The following UTRN variants were observed in gnomAD, a reference collection of about 807,000 sequenced individuals.
UTRN encodes utrophin, also known as dystrophin-related protein 1.
Under a neutral mutation model 463.9 loss-of-function variants are expected in UTRN, and 283 were observed. That is an observed-to-expected ratio of 0.61 (90% CI 0.55 to 0.67). The LOEUF is 0.67. UTRN is among the 30% of genes least tolerant of loss of function. The probability of loss-of-function intolerance (pLI) is 0.00; values close to 1 mark genes in which losing one functional copy is unlikely to be tolerated. For missense variants in UTRN, 3,922 were observed against 4,084.3 expected (o/e 0.96, Z 1.08); for synonymous variants, 1,442 against 1,431.5 (o/e 1.01, Z -0.17).
At chr6:144,846,853 CTA>C in intron 74 of UTRN, 26 bp downstream of exon 74, 3 of 1,613,918 alleles carry the variant, frequency 1.9e-6, no homozygotes, top group Non-Finnish European at 2.5e-6. Context: ...TTGGTTGGCT[CTA>C]TGTTACTGAT....
rs1787035036 is a variant in UTRN, at chr6:144,440,442, G to C, written c.1483G>C (p.Ala495Pro). 6 of 1,614,176 alleles carry C rather than the reference G, an allele frequency of 3.7e-6. No homozygotes were observed. In the East Asian group the frequency reaches 1.3e-4, roughly 36 times the overall value. Residue 495 changes from alanine (A) to proline (P), a missense_variant, in exon 13 of 75, where the codon GCT (alanine) becomes CCT (proline). Ala to Pro is a conservative substitution (Grantham distance 27). Coordinates refer to ENST00000367545, the MANE Select transcript of UTRN (RefSeq NM_007124.3). ...TGTTGATGAAAACAGTGGTGAGAGT[G>C]CTACAGCTATCCTAGAAGACCAGTT... ...VIVDENSGES[A>P]TAILEDQLQK...
Position 144,716,802 on chromosome 6 carries a change from A to G in UTRN, c.7810-13555A>G, listed in dbSNP as rs146102775. ...TTTCACTTAGATACATGTCATGCCT[A>G]TTTCTTCACATTGCTATGTGGTCAT... On this transcript the variant is annotated intron_variant, in intron 53 of 74. Coordinates refer to ENST00000367545, the MANE Select transcript of UTRN (RefSeq NM_007124.3). Among the ~76,000 whole-genome samples, 38 of 152,256 alleles carry G rather than the reference A, an allele frequency of 2.5e-4. 1 individual carries two copies. The East Asian group carries it at 6.2e-3, about 25-fold the overall frequency.
intron 1 of UTRN, among the ~76,000 whole-genome samples, chr6:144,287,040 G>A (rs1370191776): frequency 6.6e-6 from 1 of 151,968 alleles, no homozygotes; most frequent in African/African-American, 2.4e-5. Flanking sequence ...CGCCCGGCCG[G>A]GCGGCAGCGA....
At chr6:144,843,066 T>G (rs575658785) in intron 73 of UTRN, among the ~76,000 whole-genome samples, 69 of 152,328 alleles carry the variant, frequency 4.5e-4, no homozygotes, top group African/African-American at 1.5e-3. Context: ...GTAGATAAAA[T>G]CTCATCATAG....
At chr6:144,299,171 G>A (rs1805015381) in intron 2 of UTRN, among the ~76,000 whole-genome samples, 1 of 152,162 alleles carries the variant, frequency 6.6e-6, no homozygotes. Context: ...CCTAATTCAA[G>A]CTTTATGTCA....
At chr6:144,565,908 A>C (rs538929747) in intron 50 of UTRN, among the ~76,000 whole-genome samples, 1 of 152,170 alleles carries the variant, frequency 6.6e-6, no homozygotes, top group South Asian at 2.1e-4. Context: ...TGTAAGGTTA[A>C]GAGAGTCGAT....
intron 2 of UTRN, among the ~76,000 whole-genome samples, chr6:144,342,280 C>T (rs1298514404): frequency 2.6e-5 from 4 of 151,736 alleles, no homozygotes; most frequent in Non-Finnish European, 5.9e-5. Flanking sequence ...TCTGGCAGTT[C>T]TTCCAAAGGT....
intron 61 of UTRN, among the ~76,000 whole-genome samples, chr6:144,782,639 A>T (rs4896743): frequency 4.1e-4 from 33 of 79,856 alleles, no homozygotes; most frequent in African/African-American, 2.6e-3. Flanking sequence ...TATATATATA[A>T]TATATATATA....
Position 144,444,354 on chromosome 6 carries a change from T to G in UTRN, c.1586T>G (p.Ile529Arg). 6.2e-7 allele frequency: 1 copy of G among 1,610,082 alleles called. No homozygotes were observed. Among genetic ancestry groups the G allele is most frequent in the Non-Finnish European group, 8.5e-7 (1 of 1,177,620 alleles). Reference protein sequence around the residue: ...ERWNRLQEINILWQELLEEQC... With the variant: ...ERWNRLQEINRLWQELLEEQC... ...TGGAATAGGTTACAAGAAATCAATA[T>G]ATTGTGGCAGGAATTATTGGAAGAA... Residue 529 changes from isoleucine to arginine, a missense_variant, in exon 14 of 75, where the codon ATA (isoleucine) becomes AGA (arginine). Around this residue, in one of 3 missense-constraint regions of UTRN, gnomAD observed 2,349 missense variants for 2,303.8 expected, o/e 1.02. Transcript: ENST00000367545.
chr6:144,303,779 A>G (rs2179339), intron 2 of UTRN, among the ~76,000 whole-genome samples: 9,197 of 152,272 alleles, frequency 0.06, 907 homozygotes, highest in African/African-American at 0.21. Context: ...AAATGAAGGT[A>G]AAACTCTTGC....
At position 144,436,114 on chromosome 6, in the gene UTRN, C is replaced by T. The variant is rs371302576; in HGVS notation, c.1035C>T (p.Val345=). The change falls in exon 10 of 75, where the codon GTC becomes GTT. Residue 345 remains valine, a synonymous_variant. Transcript: ENST00000367545. The part of the protein sequence containing the change: ...QDDISDDVEE[V]KDQFATHEAF... The stretch of plus-strand genomic sequence containing the variant: ...ATATTTCTGATGATGTTGAAGAAGT[C>T]AAAGACCAGTTTGCAACCCATGAAG... 3.7e-6 allele frequency: 6 copies of T among 1,613,884 alleles called. No homozygotes were observed. The African/African-American group carries it at 8.0e-5, about 22-fold the overall frequency.
chr6:144,365,726 T>C (rs952170941), intron 2 of UTRN, among the ~76,000 whole-genome samples: 2 of 152,180 alleles, frequency 1.3e-5, no homozygotes, highest in African/African-American at 4.8e-5. Context: ...ATTTCGTTCA[T>C]GGAAGGAAGT....
intron 15 of UTRN, 135 bp downstream of exon 15, chr6:144,447,453 C>A: frequency 7.9e-7 from 1 of 1,262,412 alleles, no homozygotes; most frequent in Non-Finnish European, 1.1e-6. Context: ...CTGTAACAAT[C>A]TGGAACCACG....
At chr6:144,426,164 G>A in intron 6 of UTRN, 123 bp from the exon 7 acceptor site, 1 of 1,196,498 alleles carries the variant, frequency 8.4e-7, no homozygotes, top group Non-Finnish European at 1.1e-6. Flanking sequence ...TAAAATGAAT[G>A]CCAGTTACCT....
chr6:144,502,816 C>A (rs1452724086), intron 34 of UTRN, among the ~76,000 whole-genome samples: 2 of 152,200 alleles, frequency 1.3e-5, no homozygotes, highest in East Asian at 3.9e-4. Flanking sequence ...GTTCTAGATC[C>A]TTGAGGAATC....
intron 52 of UTRN, among the ~76,000 whole-genome samples, chr6:144,695,608 G>A (rs914714176): frequency 6.6e-6 from 1 of 152,200 alleles, no homozygotes; most frequent in Non-Finnish European, 1.5e-5. Context: ...CTCCCAAAGT[G>A]CTGGGATTAC....
chr6:144,389,053 T>C (rs1338977705), intron 2 of UTRN, among the ~76,000 whole-genome samples: 1 of 152,224 alleles, frequency 6.6e-6, no homozygotes, highest in African/African-American at 2.4e-5. Context: ...TGATGATATG[T>C]TCCCAAGGTG....
At position 144,690,131 on chromosome 6, in the gene UTRN, T is replaced by G. The variant is rs559924199; in HGVS notation, c.7653-9956T>G. On this transcript the variant is annotated intron_variant, in intron 52 of 74. Transcript: ENST00000367545. ...TGTGTGTGTGTGTGTGTGTGTGTGT[T>G]AAGCTACCAGGAGGAGTGAAGGGGC... 8.1e-4 allele frequency among the ~76,000 whole-genome samples: 70 copies of G among 86,722 alleles called. 1 individual carries two copies. Among genetic ancestry groups the G allele is most frequent in the African/African-American group, 3.4e-3 (68 of 19,834 alleles). 56.9% of individuals were successfully genotyped at this position (86,722 alleles called of 152,430 possible). A position where few individuals can be genotyped will look rare whatever the true frequency, so the allele number is the denominator to read the frequency against.
At chr6:144,717,860 C>T (rs1786680223) in intron 53 of UTRN, among the ~76,000 whole-genome samples, 1 of 151,994 alleles carries the variant, frequency 6.6e-6, no homozygotes. Flanking sequence ...TGGTCTCGAA[C>T]TCCTGACCTC....
Sources: allele counts gnomAD v4.1 joint callset (sites outside exome capture counted in the v4.1 genomes callset), GRCh38; gene constraint gnomAD v4.1.1; regional missense constraint gnomAD v4.1.1; transcripts MANE v1.5; gene names NCBI Gene and HGNC (gene_info 2026-07-23, HGNC 2026-07-21).